BTBD9: variants seen among roughly 807,000 people sequenced by gnomAD.
BTBD9 encodes the protein BTB/POZ domain-containing protein 9.
In BTBD9, 49 loss-of-function variants were observed where a neutral mutation model predicts 64.3. The observed-to-expected ratio is 0.76, with a 90% CI of 0.61 to 0.97. The LOEUF is 0.97. Among genes scored for constraint, BTBD9 ranks in the 50% least tolerant of loss-of-function variants. The pLI is 0.00. For synonymous variants in BTBD9, 260 were observed against 274.7 expected (o/e 0.95, Z 0.53); for missense variants, 598 against 762.1 (o/e 0.78, Z 2.53).
At chr6:38,450,017 CTAA>C (rs1470497025) in intron 6 of BTBD9, among the ~76,000 whole-genome samples, 2 of 152,086 alleles carry the variant, frequency 1.3e-5, no homozygotes, top group Admixed American at 1.3e-4. Context: ...TGGAATCAAC[CTAA>C]GTGTCCATCA....
At chr6:38,478,183 A>C (rs973776504) in intron 6 of BTBD9, among the ~76,000 whole-genome samples, 2 of 152,138 alleles carry the variant, frequency 1.3e-5, no homozygotes, top group African/African-American at 4.8e-5. Flanking sequence ...TAAAAATTTT[A>C]CCACCAGTCT....
intron 6 of BTBD9, among the ~76,000 whole-genome samples, chr6:38,526,601 C>T (rs1214508573): frequency 6.6e-6 from 1 of 152,226 alleles, no homozygotes; most frequent in African/African-American, 2.4e-5. Flanking sequence ...AGACACCAGC[C>T]CATGAAGGAG....
At chr6:38,276,684 T>G (rs1278393833) in intron 8 of BTBD9, among the ~76,000 whole-genome samples, 3 of 152,148 alleles carry the variant, frequency 2.0e-5, no homozygotes, top group Admixed American at 6.5e-5. Flanking sequence ...ACCAACCATG[T>G]TAACCAAGAA....
intron 1 of BTBD9, among the ~76,000 whole-genome samples, chr6:38,615,648 T>C (rs1582721252): frequency 6.6e-6 from 1 of 152,286 alleles, no homozygotes; most frequent in South Asian, 2.1e-4. Flanking sequence ...CATACCCTAC[T>C]ACCCCCTTCA....
intron 8 of BTBD9, among the ~76,000 whole-genome samples, chr6:38,266,442 G>A (rs751495680): frequency 6.6e-6 from 1 of 151,888 alleles, no homozygotes. Flanking sequence ...GCGTGGCAGC[G>A]TGCACCTGTA....
chr6:38,282,389 G>GC (rs943782582), intron 8 of BTBD9, among the ~76,000 whole-genome samples: 2 of 152,172 alleles, frequency 1.3e-5, no homozygotes, highest in Non-Finnish European at 2.9e-5. Flanking sequence ...AGAAAGAAAT[G>GC]CAAGAGACGA....
intron 6 of BTBD9, among the ~76,000 whole-genome samples, chr6:38,378,157 G>A (rs974448387): frequency 1.3e-5 from 2 of 151,954 alleles, no homozygotes; most frequent in African/African-American, 4.8e-5. Flanking sequence ...ATCATTGACA[G>A]GATTTCCTTA....
intron 6 of BTBD9, among the ~76,000 whole-genome samples, chr6:38,547,407 G>A (rs994895774): frequency 2.0e-5 from 3 of 151,926 alleles, no homozygotes; most frequent in East Asian, 1.9e-4. Flanking sequence ...TCCAATCTGG[G>A]TGACAGAGCA....
intron 6 of BTBD9, among the ~76,000 whole-genome samples, chr6:38,499,871 A>G (rs565181099): frequency 1.4e-4 from 21 of 152,338 alleles, no homozygotes; most frequent in African/African-American, 3.8e-4. Flanking sequence ...GGTATGTTAC[A>G]TATGAACTGT....
chr6:38,425,645 C>T (rs758425689), intron 6 of BTBD9, among the ~76,000 whole-genome samples: 1 of 151,422 alleles, frequency 6.6e-6, no homozygotes, highest in Non-Finnish European at 1.5e-5. Context: ...ATAGCTTATG[C>T]TTGTAATCCC....
chr6:38,300,823 C>G (rs933797715), intron 7 of BTBD9, among the ~76,000 whole-genome samples: 7 of 152,140 alleles, frequency 4.6e-5, no homozygotes, highest in African/African-American at 1.7e-4. Context: ...AATTTGACTT[C>G]CTCTTTTCCT....
intron 6 of BTBD9, among the ~76,000 whole-genome samples, chr6:38,450,453 T>C (rs1769479807): frequency 6.6e-6 from 1 of 152,218 alleles, no homozygotes; most frequent in Non-Finnish European, 1.5e-5. Flanking sequence ...TGTGAGGTAA[T>C]GCATTAGTTA....
chr6:38,409,070 T>C (rs1426144936), intron 6 of BTBD9, among the ~76,000 whole-genome samples: 2 of 152,010 alleles, frequency 1.3e-5, no homozygotes, highest in Non-Finnish European at 2.9e-5. Flanking sequence ...GCCAACATGG[T>C]GAAACCCTGT....
chr6:38,379,632 CAG>C (rs1487155339), intron 6 of BTBD9, among the ~76,000 whole-genome samples: 5 of 152,150 alleles, frequency 3.3e-5, no homozygotes, highest in Admixed American at 6.5e-5. Flanking sequence ...AAAAAGGAAA[CAG>C]AGTGCTGGGA....
At chr6:38,208,124 A>G (rs1045393425) in intron 9 of BTBD9, among the ~76,000 whole-genome samples, 2 of 152,182 alleles carry the variant, frequency 1.3e-5, no homozygotes, top group Non-Finnish European at 2.9e-5. Flanking sequence ...GAACCTTTGG[A>G]ACAGATTCTC....
intron 4 of BTBD9, among the ~76,000 whole-genome samples, chr6:38,586,969 A>G (rs1010990413): frequency 6.6e-6 from 1 of 151,864 alleles, no homozygotes; most frequent in Non-Finnish European, 1.5e-5. Context: ...AGGCTGGGGC[A>G]GGAGAATCAC....
intron 1 of BTBD9, among the ~76,000 whole-genome samples, chr6:38,601,750 CA>C: frequency 6.6e-6 from 1 of 151,208 alleles, no homozygotes; most frequent in Non-Finnish European, 1.5e-5. Flanking sequence ...AACAAAGAGG[CA>C]AAAAAATCAA....
At chr6:38,340,839 C>A (rs1748828254) in intron 7 of BTBD9, among the ~76,000 whole-genome samples, 1 of 152,170 alleles carries the variant, frequency 6.6e-6, no homozygotes, top group South Asian at 2.1e-4. Flanking sequence ...AACAGAGAGA[C>A]AACTAGAGGT....
chr6:38,565,483 T>C (rs1775450816), intron 6 of BTBD9, among the ~76,000 whole-genome samples: 1 of 149,376 alleles, frequency 6.7e-6, no homozygotes, highest in Non-Finnish European at 1.5e-5. Flanking sequence ...TATAAAACCA[T>C]CTGATCAAAA....
Sources: gnomAD v4.1 joint callset for allele counts (sites outside exome capture counted in the v4.1 genomes callset) on GRCh38, gnomAD v4.1.1 for gene constraint, MANE v1.5 for transcripts, NCBI Gene and HGNC (gene_info 2026-07-23, HGNC 2026-07-21) for gene names.